The following ADGRL3 variants were observed in gnomAD, a reference collection of about 807,000 sequenced individuals.
ADGRL3 encodes calcium-independent alpha-latrotoxin receptor 3.
Under a neutral mutation model 153.5 loss-of-function variants are expected in ADGRL3, and 62 were observed. The observed-to-expected ratio is 0.40, with a 90% CI of 0.33 to 0.50. ADGRL3 has a LOEUF of 0.50. Among genes scored for constraint, ADGRL3 ranks in the 20% least tolerant of loss-of-function variants. The pLI, the probability that ADGRL3 is intolerant of heterozygous loss-of-function variation, is 0.47. For missense variants in ADGRL3, 1,641 were observed against 1,859.4 expected (o/e 0.88, Z 2.16); for synonymous variants, 710 against 672.5 (o/e 1.06, Z -0.86).
At chr4:61,618,017 GA>G (rs1560943714) in intron 5 of ADGRL3, among the ~76,000 whole-genome samples, 2 of 152,142 alleles carry the variant, frequency 1.3e-5, no homozygotes, top group South Asian at 2.1e-4. Context: ...ACACATTTGA[GA>G]GAGAGTCTAG....
chr4:61,372,146 A>G (rs1334109936), intron 1 of ADGRL3, among the ~76,000 whole-genome samples: 2 of 151,864 alleles, frequency 1.3e-5, no homozygotes, highest in African/African-American at 4.8e-5. Flanking sequence ...TTTTTTTGAA[A>G]GTTTTCAACT....
chr4:61,808,246 A>G (rs2097572108), intron 8 of ADGRL3, among the ~76,000 whole-genome samples: 1 of 152,176 alleles, frequency 6.6e-6, no homozygotes, highest in East Asian at 1.9e-4. Flanking sequence ...TATCTTGTTC[A>G]TATGGTATCC....
intron 11 of ADGRL3, among the ~76,000 whole-genome samples, chr4:61,900,039 T>G (rs1581373657): frequency 1.3e-5 from 2 of 152,264 alleles, no homozygotes; most frequent in African/African-American, 4.8e-5. Flanking sequence ...CCTGGAGAAC[T>G]CCTGAGGACA....
At chr4:61,779,421 T>A (rs533801973) in intron 8 of ADGRL3, among the ~76,000 whole-genome samples, 5 of 151,736 alleles carry the variant, frequency 3.3e-5, no homozygotes, top group Admixed American at 2.0e-4. Context: ...TCACCTGAGG[T>A]CAGGAGTTTG....
At chr4:61,899,531 T>C (rs1053962895) in intron 11 of ADGRL3, among the ~76,000 whole-genome samples, 2 of 151,900 alleles carry the variant, frequency 1.3e-5, no homozygotes, top group Admixed American at 1.3e-4. Context: ...AATATACACA[T>C]GCAAAAAAAA....
At chr4:61,722,425 C>A (rs977077698) in intron 6 of ADGRL3, among the ~76,000 whole-genome samples, 3 of 152,174 alleles carry the variant, frequency 2.0e-5, no homozygotes, top group Admixed American at 2.0e-4. Context: ...AACCCAACAT[C>A]TTGAGGAATA....
intron 1 of ADGRL3, among the ~76,000 whole-genome samples, chr4:61,369,621 A>G (rs1395753529): frequency 6.6e-6 from 1 of 152,120 alleles, no homozygotes; most frequent in African/African-American, 2.4e-5. Flanking sequence ...GTGCTGCTGG[A>G]TTCGGTTTGC....
chr4:61,394,476 A>C (rs2096847414), intron 2 of ADGRL3, among the ~76,000 whole-genome samples: 1 of 151,998 alleles, frequency 6.6e-6, no homozygotes, highest in Non-Finnish European at 1.5e-5. Flanking sequence ...CCCTTACTGA[A>C]CTTTTACACA....
chr4:61,334,006 C>T (rs936743403), intron 1 of ADGRL3, among the ~76,000 whole-genome samples: 5 of 151,600 alleles, frequency 3.3e-5, no homozygotes, highest in Admixed American at 1.3e-4. Context: ...ATCTCTGCCT[C>T]GCTGGTCCAA....
At chr4:61,966,305 A>T (rs1188343716) in intron 17 of ADGRL3, among the ~76,000 whole-genome samples, 1 of 152,176 alleles carries the variant, frequency 6.6e-6, no homozygotes, top group Non-Finnish European at 1.5e-5. Context: ...TGTCTATTAT[A>T]TGGTTTTTAT....
intron 9 of ADGRL3, among the ~76,000 whole-genome samples, chr4:61,836,434 G>T (rs1183303590): frequency 6.6e-6 from 1 of 151,924 alleles, no homozygotes; most frequent in Non-Finnish European, 1.5e-5. Flanking sequence ...AAATCCACTG[G>T]ATATTTTTTT....
intron 5 of ADGRL3, among the ~76,000 whole-genome samples, chr4:61,640,177 T>C (rs2150149932): frequency 6.6e-6 from 1 of 152,060 alleles, no homozygotes; most frequent in South Asian, 2.1e-4. Context: ...TCAAAGCTGT[T>C]CAACAAGCGG....
intron 6 of ADGRL3, among the ~76,000 whole-genome samples, chr4:61,720,411 G>A (rs1209873481): frequency 2.6e-5 from 4 of 152,118 alleles, no homozygotes; most frequent in Admixed American, 2.0e-4. Context: ...TTTAAGATAA[G>A]TTATTCCTAG....
intron 1 of ADGRL3, among the ~76,000 whole-genome samples, chr4:61,316,813 G>C (rs2095228620): frequency 6.6e-6 from 1 of 152,118 alleles, no homozygotes; most frequent in Admixed American, 6.5e-5. Context: ...AAATATTTTA[G>C]TACATATTTT....
chr4:61,817,895 C>T (rs1249746489), intron 9 of ADGRL3, among the ~76,000 whole-genome samples: 1 of 152,080 alleles, frequency 6.6e-6, no homozygotes, highest in Admixed American at 6.5e-5. Context: ...TTATTTCCCA[C>T]TGGGTCCCTC....
intron 12 of ADGRL3, 54 bp from the exon 13 acceptor site, chr4:61,912,665 T>A (rs2098727094): frequency 6.7e-7 from 1 of 1,491,502 alleles, no homozygotes; most frequent in African/African-American, 1.4e-5. Context: ...TTTTCTTCTG[T>A]CACTAACTTG....
intron 4 of ADGRL3, among the ~76,000 whole-genome samples, chr4:61,571,198 G>C (rs1019390558): frequency 6.6e-6 from 1 of 151,946 alleles, no homozygotes; most frequent in South Asian, 2.1e-4. Context: ...TCAAAGGCTG[G>C]GTACAGTGGC....
intron 1 of ADGRL3, among the ~76,000 whole-genome samples, chr4:61,283,395 G>A (rs181609768): frequency 6.6e-6 from 1 of 152,106 alleles, no homozygotes; most frequent in East Asian, 1.9e-4. Flanking sequence ...TTTCTCAACT[G>A]TGTTCAAGAA....
At chr4:61,906,106 ATATT>A (rs1446974621) in intron 11 of ADGRL3, among the ~76,000 whole-genome samples, 1 of 151,746 alleles carries the variant, frequency 6.6e-6, no homozygotes, top group African/African-American at 2.4e-5. Context: ...AATATTGTAT[ATATT>A]ATCTTTTTCA....
Sources: allele counts gnomAD v4.1 joint callset (sites outside exome capture counted in the v4.1 genomes callset), GRCh38; gene constraint gnomAD v4.1.1; transcripts MANE v1.5; gene names NCBI Gene and HGNC (gene_info 2026-07-23, HGNC 2026-07-21).